Variants in NSUN3 observed in about 807,000 individuals in gnomAD.
NSUN3 encodes the protein NOP2/Sun RNA methyltransferase 3, also known as tRNA (cytosine(34)-C(5))-methyltransferase, mitochondrial.
A neutral mutation model predicts 36.8 loss-of-function variants in NSUN3; 24 were observed. The ratio of observed to expected loss-of-function variants is 0.65; its 90% CI spans 0.47 to 0.92. NSUN3 has a LOEUF of 0.92. NSUN3 is among the 40% of genes least tolerant of loss of function. NSUN3 has a pLI of 0.00. For synonymous variants in NSUN3, 146 were observed against 145.2 expected (o/e 1.01, Z -0.04); for missense variants, 381 against 392.8 (o/e 0.97, Z 0.25).
chr3:94,076,122 A>G (rs545208960), intron 2 of NSUN3: 2 of 1,404,180 alleles, frequency 1.4e-6, no homozygotes, highest in Admixed American at 3.3e-5. Flanking sequence ...TCTTCTGGGG[A>G]TTGTTCCTCT....
chr3:94,102,472 G>A (rs1218803504), intron 5 of NSUN3, among the ~76,000 whole-genome samples: 2 of 152,084 alleles, frequency 1.3e-5, no homozygotes, highest in Non-Finnish European at 2.9e-5. Flanking sequence ...CGTATGCTTA[G>A]TCATATGTTT....
chr3:94,111,675 A>G (rs2077418302), intron 5 of NSUN3, among the ~76,000 whole-genome samples: 1 of 152,150 alleles, frequency 6.6e-6, no homozygotes, highest in African/African-American at 2.4e-5. Context: ...AAGATCATCA[A>G]TATCACTGTC....
intron 2 of NSUN3, among the ~76,000 whole-genome samples, chr3:94,075,731 C>G (rs1256287713): frequency 8.1e-6 from 1 of 122,986 alleles, no homozygotes; most frequent in Admixed American, 8.9e-5. Context: ...CTGAATCAAG[C>G]CCCCCCCCCC....
In NSUN3 at chr3:94,100,958, GT is replaced by G. The variant is rs201945502; in HGVS notation, c.743+5811del. On this transcript the variant is annotated intron_variant, in intron 5 of 5. Coordinates refer to ENST00000314622, the MANE Select transcript of NSUN3 (RefSeq NM_022072.5). ...AAAATTAATGTCTTATTTGATAAAA[GT>G]TTTTTTATGTTAATTTTTTTTTTAT... 8.8e-3 allele frequency among the ~76,000 whole-genome samples: 1,342 copies of G among 151,658 alleles called. 24 individuals carry two copies. Among genetic ancestry groups the G allele is most frequent in the African/African-American group, 0.03 (1,253 of 41,398 alleles).
chr3:94,064,895 A>G (rs1213834634), intron 2 of NSUN3, among the ~76,000 whole-genome samples: 1 of 152,266 alleles, frequency 6.6e-6, no homozygotes, highest in Non-Finnish European at 1.5e-5. Context: ...TCTGAAATTT[A>G]GAAGATAATA....
chr3:94,094,407 A>C (rs1215958117), intron 4 of NSUN3, 113 bp downstream of exon 4: 1 of 1,047,620 alleles, frequency 9.5e-7, no homozygotes, highest in East Asian at 2.7e-5. Flanking sequence ...ACAGTTTCTC[A>C]GTACCCTGGA....
intron 5 of NSUN3, among the ~76,000 whole-genome samples, chr3:94,112,738 T>C (rs988792495): frequency 6.6e-6 from 1 of 152,254 alleles, no homozygotes; most frequent in Admixed American, 6.5e-5. Flanking sequence ...TAGCCTTGGC[T>C]GTGCCCAATT....
At chr3:94,108,922 C>G (rs1440898983) in intron 5 of NSUN3, among the ~76,000 whole-genome samples, 1 of 152,252 alleles carries the variant, frequency 6.6e-6, no homozygotes, top group African/African-American at 2.4e-5. Context: ...AACTCGGCCT[C>G]CCAAAGTGCT....
intron 2 of NSUN3, among the ~76,000 whole-genome samples, chr3:94,074,926 C>G (rs888341834): frequency 2.0e-5 from 3 of 152,000 alleles, no homozygotes; most frequent in African/African-American, 7.2e-5. Flanking sequence ...ATTCAGTATG[C>G]TATTGGCTGT....
intron 1 of NSUN3, chr3:94,063,757 A>G (rs1364470727): frequency 6.6e-6 from 1 of 151,644 alleles, no homozygotes; most frequent in African/African-American, 2.4e-5. Context: ...AGCTAGGACT[A>G]CAGGAGCAGG....
At chr3:94,063,574 C>T (rs1312423783) in intron 1 of NSUN3, among the ~76,000 whole-genome samples, 1 of 152,096 alleles carries the variant, frequency 6.6e-6, no homozygotes, top group Non-Finnish European at 1.5e-5. Flanking sequence ...ACAGAGTTCT[C>T]AAATACCTTT....
Position 94,106,933 on chromosome 3 carries a change from G to T in NSUN3, c.743+11779G>T, listed in dbSNP as rs556649537. ...AAGAAAAGAAATGGTTAAAGATGTG[G>T]TTTTACCATTTGTTAAATTATATTG... On this transcript the variant is annotated intron_variant, in intron 5 of 5. Coordinates refer to ENST00000314622, the MANE Select transcript of NSUN3 (RefSeq NM_022072.5). Among the ~76,000 whole-genome samples the T allele has an allele frequency of 2.6e-5, 4 of 152,008 alleles. No individual in the cohort carries two copies. The East Asian group carries it at 5.8e-4, about 22-fold the overall frequency.
rs759570697 is a variant in NSUN3, at chr3:94,084,327, C to A, written c.343C>A (p.Leu115Ile). Residue 115 changes from leucine (L) to isoleucine (I), a missense_variant, in exon 3 of 6, where the codon CTC (leucine) becomes ATC (isoleucine). Leu to Ile is a conservative substitution (Grantham distance 5, BLOSUM62 2). Transcript: ENST00000314622. ...HQIGNLKKYY[L>I]LNAASLLPVL... ...AATTGGAAACCTGAAAAAATATTAT[C>A]TCCTAAATGCTGCTTCTCTTCTCCC... The A allele has an allele frequency of 6.8e-6, 11 of 1,614,084 alleles. No individual in the cohort carries two copies. The South Asian group carries it at 1.2e-4, about 18-fold the overall frequency.
chr3:94,088,616 A>ACTGCTG (rs2077302211), intron 3 of NSUN3, among the ~76,000 whole-genome samples: 1 of 151,292 alleles, frequency 6.6e-6, no homozygotes, highest in African/African-American at 2.4e-5. Context: ...GTAATACACA[A>ACTGCTG]ATGCTGACTT....
At chr3:94,095,254 G>A in intron 5 of NSUN3, 100 bp downstream of exon 5, 3 of 1,151,722 alleles carry the variant, frequency 2.6e-6, no homozygotes, top group Non-Finnish European at 3.7e-6. Flanking sequence ...TGCTGTGTAG[G>A]TGTCAATGAT....
chr3:94,123,480 G>A (rs1019588935), intron 5 of NSUN3, among the ~76,000 whole-genome samples: 19 of 152,126 alleles, frequency 1.2e-4, no homozygotes, highest in Non-Finnish European at 2.1e-4. Context: ...TCCTGGGCTC[G>A]TAATAGGTGA....
intron 5 of NSUN3, among the ~76,000 whole-genome samples, chr3:94,105,154 A>G (rs2077383562): frequency 6.6e-6 from 1 of 152,178 alleles, no homozygotes; most frequent in Admixed American, 6.5e-5. Flanking sequence ...CTATTTTGGG[A>G]AAAGGTGCGT....
intron 3 of NSUN3, among the ~76,000 whole-genome samples, chr3:94,091,741 A>G (rs1232583216): frequency 6.6e-6 from 1 of 152,246 alleles, no homozygotes; most frequent in African/African-American, 2.4e-5. Flanking sequence ...AGGAAAGTTG[A>G]ATGAAAGGTG....
chr3:94,116,987 T>A (rs1347623940), intron 5 of NSUN3, among the ~76,000 whole-genome samples: 1 of 36,932 alleles, frequency 2.7e-5, no homozygotes, highest in Non-Finnish European at 5.1e-5. Context: ...TGCCACAACT[T>A]TTTTTTTTTT....
Sources: allele counts gnomAD v4.1 joint callset (sites outside exome capture counted in the v4.1 genomes callset), GRCh38; gene constraint gnomAD v4.1.1; transcripts MANE v1.5; gene names NCBI Gene and HGNC (gene_info 2026-07-23, HGNC 2026-07-21).